KRT6C: variants seen among roughly 807,000 people sequenced by gnomAD.
KRT6C encodes keratin, type II cytoskeletal 6C.
In KRT6C, 46 loss-of-function variants were observed where a neutral mutation model predicts 49.4. That is an observed-to-expected ratio of 0.93 (90% CI 0.74 to 1.19). KRT6C has a LOEUF of 1.19. KRT6C is among the 50% of genes most tolerant of loss of function. The probability of loss-of-function intolerance (pLI) is 0.00; values close to 1 mark genes in which losing one functional copy is unlikely to be tolerated. For missense variants in KRT6C, 552 were observed against 737.5 expected (o/e 0.75, Z 2.91); for synonymous variants, 236 against 297.1 (o/e 0.79, Z 2.12).
At chr12:52,469,498 G>A in intron 7 of KRT6C, 53 bp from the exon 8 acceptor site, 1 of 1,613,876 alleles carries the variant, frequency 6.2e-7, no homozygotes, top group Non-Finnish European at 8.5e-7. Flanking sequence ...TTCCTTCCCT[G>A]GACCAGTGTG....
intron 5 of KRT6C, among the ~76,000 whole-genome samples, 153 bp downstream of exon 5, chr12:52,470,979 G>A (rs1486616321): frequency 1.3e-5 from 2 of 152,170 alleles, no homozygotes; most frequent in East Asian, 1.9e-4. Context: ...TTGCACATAA[G>A]TTCCCCAAAT....
chr12:52,473,150 G>C, intron 1 of KRT6C, 48 bp downstream of exon 1: 1 of 1,382,024 alleles, frequency 7.2e-7, no homozygotes, highest in South Asian at 1.2e-5. Flanking sequence ...TTGCTCTTCT[G>C]GTCTGGGGAC....
chr12:52,469,351 G>T (rs540508674), intron 8 of KRT6C, 54 bp from the exon 9 acceptor site: 4 of 1,613,892 alleles, frequency 2.5e-6, no homozygotes, highest in Non-Finnish European at 3.4e-6. Flanking sequence ...TCATCCTGCC[G>T]GCCTGAGCCC....
intron 6 of KRT6C, chr12:52,470,242 A>G: frequency 1.6e-6 from 1 of 614,706 alleles, no homozygotes; most frequent in African/African-American, 1.8e-5. Context: ...CCACATTAAA[A>G]TATACAAAAT....
chr12:52,473,039 A>G (rs1565580851), intron 1 of KRT6C, among the ~76,000 whole-genome samples, 159 bp downstream of exon 1: 3 of 147,252 alleles, frequency 2.0e-5, no homozygotes, highest in African/African-American at 4.9e-5. Context: ...AGTGATGCCC[A>G]TCTGTGCTGC....
At chr12:52,472,808 C>T (rs1937910989) in intron 1 of KRT6C, among the ~76,000 whole-genome samples, 1 of 138,700 alleles carries the variant, frequency 7.2e-6, no homozygotes, top group African/African-American at 2.5e-5. Flanking sequence ...GCCAGATTAT[C>T]TTTTCCTTTT....
rs756114823 is a variant in KRT6C, at chr12:52,471,171, C to T, written c.1038G>A (p.Gln346=). ...AGGACTCAGCCTCAGCCCGGCTCCT[C>T]TGAGCAATCTCCTCGTATTGGGCCT... ...EVKAQYEEIA[Q]RSRAEAESWY... is the part of the protein sequence containing the mutation. Residue 346 remains glutamine (Q), a synonymous_variant, in exon 5 of 9, where the codon CAG becomes CAA. Coordinates refer to ENST00000252250, the MANE Select transcript of KRT6C (RefSeq NM_173086.5). 1 of 1,614,084 alleles carries T rather than the reference C, an allele frequency of 6.2e-7. No individual in the cohort carries two copies.
chr12:52,472,956 G>A (rs1267260573), intron 1 of KRT6C, among the ~76,000 whole-genome samples: 2 of 150,354 alleles, frequency 1.3e-5, no homozygotes, highest in Admixed American at 6.6e-5. Context: ...GGCCTCATCT[G>A]TGCTTCAGGG....
At position 52,470,548 on chromosome 12, in the gene KRT6C, A is replaced by G. The variant is rs757950585; in HGVS notation, c.1160T>C (p.Met387Thr). 1 of 1,614,028 alleles carries G rather than the reference A, an allele frequency of 6.2e-7. No homozygotes were observed. The highest frequency in any genetic ancestry group is 1.3e-5 in the African/African-American group (1 of 74,920). ...GATCTCAGATCTCAGCCTCTGGATCATGCGGTTGATCTCAGCAATCTCCTG... is the reference window on the plus strand; with the variant it reads ...GATCTCAGATCTCAGCCTCTGGATCGTGCGGTTGATCTCAGCAATCTCCTG... ...TKQEIAEINR[M>T]IQRLRSEIDH... The change falls in exon 6 of 9, where the codon ATG becomes ACG. Residue 387 changes from methionine (M) to threonine (T), a missense_variant. Coordinates refer to ENST00000252250, the MANE Select transcript of KRT6C (RefSeq NM_173086.5).
rs1280987956 is a variant in KRT6C at position 52,468,809 on chromosome 12, T to G, written c.*253A>C. ...TTTTGGAGGCAAGAAATTAATAATT[T>G]AGTAACAAAGTGAAGCTCCATTGGT... On this transcript the variant is annotated 3_prime_UTR_variant, in exon 9 of 9. Transcript: ENST00000252250. 1 of 540,876 alleles carries G rather than the reference T, an allele frequency of 1.8e-6. No individual in the cohort carries two copies. The highest frequency in any genetic ancestry group is 3.1e-5 in the Admixed American group (1 of 31,810). The allele number at this position is 540,876 out of a possible 1,614,324, so 33.5% of individuals were successfully genotyped here. A position where few individuals can be genotyped will look rare whatever the true frequency, so the allele number is the denominator to read the frequency against.
Position 52,473,785 on chromosome 12 carries a change from G to A in KRT6C, c.-48C>T, listed in dbSNP as rs760603221. ...GTGGCGAGCGTTGGAGGCTGGAGGC[G>A]AGAGGCAGGAGAAGCAGGACAAGGA... On this transcript the variant is annotated 5_prime_UTR_variant, in exon 1 of 9. Transcript: ENST00000252250. The A allele has an allele frequency of 3.1e-6, 5 of 1,613,448 alleles. No individual in the cohort carries two copies. Among genetic ancestry groups the A allele is most frequent in the Middle Eastern group, 1.7e-4 (1 of 5,882 alleles).
rs368105013 is a variant in KRT6C at position 52,469,037 on chromosome 12, G to A, written c.*25C>T. On this transcript the variant is annotated 3_prime_UTR_variant, in exon 9 of 9. Transcript: ENST00000252250. ...AGCCAGAGAAGGGCCTGAGGACTGT[G>A]GGACCGAGAGCTGGAGGCAGCACTT... The A allele has an allele frequency of 1.1e-5, 17 of 1,613,918 alleles. No individual in the cohort carries two copies. The highest frequency in any genetic ancestry group is 1.2e-5 in the Non-Finnish European group (14 of 1,179,964).
At position 52,471,663 on chromosome 12, in the gene KRT6C, T is replaced by A; in HGVS notation, c.816+9A>T. The A allele has an allele frequency of 6.2e-7, 1 of 1,612,692 alleles. No individual in the cohort carries two copies. Among genetic ancestry groups the A allele is most frequent in the Non-Finnish European group, 8.5e-7 (1 of 1,179,468 alleles). ...AAATGAATTTGAACCCCCGGCTTCA[T>A]CTGCTCACCTTCTTCAGAGTCACAA... On this transcript the variant is annotated intron_variant, in intron 3 of 8. Transcript: ENST00000252250.
At position 52,470,577 on chromosome 12, in the gene KRT6C, G is replaced by C; in HGVS notation, c.1131C>G (p.Thr377=). 6.2e-7 allele frequency: 1 copy of C among 1,613,984 alleles called. No individual in the cohort carries two copies. The change falls in exon 6 of 9, where the codon ACC becomes ACG. Residue 377 remains threonine, a synonymous_variant. Transcript: ENST00000252250. ...GGTTGATCTCAGCAATCTCCTGCTT[G>C]GTGTTGCGCAGGTCGTCCCCATGTC... ...AGRHGDDLRN[T]KQEIAEINRM... is the part of the protein sequence containing the mutation.
Position 52,471,115 on chromosome 12 carries a change from G to A in KRT6C, c.1077+17C>T. ...TGGACACAAGGATTCCTCAGCAGCT[G>A]CCCACTCCCTGCTCACCTTGGTCTG... On this transcript the variant is annotated intron_variant, in intron 5 of 8. Transcript: ENST00000252250. 1.2e-6 allele frequency: 2 copies of A among 1,614,166 alleles called. No individual in the cohort carries two copies. The highest frequency in any genetic ancestry group is 1.7e-6 in the Non-Finnish European group (2 of 1,180,022).
chr12:52,468,909 A>G lies in KRT6C; in HGVS notation c.*153T>C. ...GTGCTCAGATGGGGCAGGTATAGAC[A>G]GAGAGAAGTGAGGGCACTAAGCATC... On this transcript the variant is annotated 3_prime_UTR_variant, in exon 9 of 9. Transcript: ENST00000252250. 1.1e-6 allele frequency: 1 copy of G among 894,806 alleles called. No homozygotes were observed. Among genetic ancestry groups the G allele is most frequent in the Middle Eastern group, 3.5e-4 (1 of 2,876 alleles). 55.4% of individuals were successfully genotyped at this position (894,806 alleles called of 1,614,324 possible). A position where few individuals can be genotyped will look rare whatever the true frequency, so the allele number is the denominator to read the frequency against.
chr12:52,471,785 G>A (rs368284571), intron 2 of KRT6C, 53 bp from the exon 3 acceptor site: 1 of 1,609,294 alleles, frequency 6.2e-7, no homozygotes, highest in Non-Finnish European at 8.5e-7. Context: ...GGATGAAACA[G>A]AAAAGCAGCT....
chr12:52,468,649 A>G lies in KRT6C; in HGVS notation c.*413T>C, dbSNP rs1465429962. The stretch of plus-strand genomic sequence containing the variant: ...GCATACTGCGGGGCGGGGGTTCACA[A>G]TACTTTTAACTTAGGGAGTTTGGGG... On this transcript the variant is annotated 3_prime_UTR_variant, in exon 9 of 9. Coordinates refer to ENST00000252250, the MANE Select transcript of KRT6C (RefSeq NM_173086.5). 2 of 255,990 alleles carry G rather than the reference A, an allele frequency of 7.8e-6. No individual in the cohort carries two copies. The highest frequency in any genetic ancestry group is 4.4e-5 in the African/African-American group (2 of 45,252). The allele number at this position is 255,990 out of a possible 1,614,324, so 15.9% of individuals were successfully genotyped here.
Position 52,471,480 on chromosome 12 carries a change from G to A in KRT6C, c.853C>T (p.Gln285Ter), listed in dbSNP as rs377674997. The A allele has an allele frequency of 4.3e-6, 7 of 1,613,656 alleles. No individual in the cohort carries two copies. Among genetic ancestry groups the A allele is most frequent in the African/African-American group, 1.3e-5 (1 of 74,808 alleles). Residue 285 changes from glutamine (Q) to a stop codon, truncating the protein, a stop_gained, in exon 4 of 9, where the codon CAA (glutamine) becomes TAA (stop). Transcript: ENST00000252250. LOFTEE classifies it high-confidence loss of function. Reference protein sequence around the residue: ...DAAYMNKVELQAKADTLTDEI... With the variant: ...DAAYMNKVEL ...TCTGTGAGAGTGTCTGCCTTGGCTT[G>A]CAGTTCAACCTTGTTCATGTAGGCA... is the stretch of plus-strand genomic sequence containing the variant.
Sources: allele counts gnomAD v4.1 joint callset (sites outside exome capture counted in the v4.1 genomes callset), GRCh38; gene constraint gnomAD v4.1.1; transcripts MANE v1.5; gene names NCBI Gene and HGNC (gene_info 2026-07-23, HGNC 2026-07-21).